XRCC4: variants seen among roughly 807,000 people sequenced by gnomAD.
XRCC4 encodes DNA repair protein XRCC4.
In XRCC4, 28 loss-of-function variants were observed where a neutral mutation model predicts 39.1. The observed-to-expected ratio is 0.72, with a 90% CI of 0.53 to 0.98. The LOEUF (loss-of-function observed/expected upper bound fraction) is 0.98. Ranked by LOEUF, XRCC4 falls within the 50% of genes least tolerant of loss-of-function variation. The pLI is 0.00. For missense variants in XRCC4, 350 were observed against 376.4 expected (o/e 0.93, Z 0.58); for synonymous variants, 123 against 126.4 (o/e 0.97, Z 0.18).
At chr5:83,321,016 G>T (rs1233749268) in intron 7 of XRCC4, among the ~76,000 whole-genome samples, 3 of 151,816 alleles carry the variant, frequency 2.0e-5, no homozygotes, top group Non-Finnish European at 4.4e-5. Context: ...TCACCACATT[G>T]GCCAGGCTGG....
intron 3 of XRCC4, among the ~76,000 whole-genome samples, chr5:83,158,930 A>G (rs1749081575): frequency 6.6e-6 from 1 of 152,140 alleles, no homozygotes; most frequent in South Asian, 2.1e-4. Flanking sequence ...TTACTTGTTC[A>G]AGTAGTGTTT....
At chr5:83,162,317 C>T (rs985031768) in intron 3 of XRCC4, among the ~76,000 whole-genome samples, 7 of 152,110 alleles carry the variant, frequency 4.6e-5, no homozygotes, top group South Asian at 4.1e-4. Flanking sequence ...GTTGGTTACC[C>T]TGCTTGCTGT....
chr5:83,223,811 C>A (rs527460399), intron 6 of XRCC4, among the ~76,000 whole-genome samples: 14 of 148,672 alleles, frequency 9.4e-5, no homozygotes, highest in African/African-American at 3.5e-4. Context: ...AGTTGTATCT[C>A]CTAATGCTAT....
intron 1 of XRCC4, among the ~76,000 whole-genome samples, chr5:83,082,986 T>G (rs1474549878): frequency 6.9e-6 from 1 of 144,186 alleles, no homozygotes; most frequent in East Asian, 2.1e-4. Flanking sequence ...GACTGCTGCT[T>G]CTTTCTAGAA....
chr5:83,130,016 T>C (rs1435357787), intron 3 of XRCC4, among the ~76,000 whole-genome samples: 2 of 151,964 alleles, frequency 1.3e-5, no homozygotes, highest in Non-Finnish European at 2.9e-5. Flanking sequence ...TGAATAGGGG[T>C]GGTAAGAGAG....
At chr5:83,273,109 T>G (rs1754199391) in intron 7 of XRCC4, among the ~76,000 whole-genome samples, 1 of 152,226 alleles carries the variant, frequency 6.6e-6, no homozygotes, top group African/African-American at 2.4e-5. Context: ...ACTTTAATGA[T>G]CACCATTCTT....
chr5:83,163,961 T>C (rs893835933), intron 3 of XRCC4, among the ~76,000 whole-genome samples: 2 of 152,200 alleles, frequency 1.3e-5, no homozygotes, highest in Non-Finnish European at 2.9e-5. Context: ...ATGTGGAGAA[T>C]TGCAAAAGTT....
intron 6 of XRCC4, among the ~76,000 whole-genome samples, chr5:83,213,085 C>A (rs1025970067): frequency 1.3e-5 from 2 of 151,764 alleles, no homozygotes; most frequent in Non-Finnish European, 2.9e-5. Flanking sequence ...CAGAAGGCAG[C>A]GGTATAGCAT....
chr5:83,233,025 A>C (rs909144888), intron 6 of XRCC4, among the ~76,000 whole-genome samples: 1 of 152,182 alleles, frequency 6.6e-6, no homozygotes, highest in African/African-American at 2.4e-5. Flanking sequence ...TTTACCTTCA[A>C]TTAATAACTA....
At chr5:83,141,139 A>T (rs1748152272) in intron 3 of XRCC4, among the ~76,000 whole-genome samples, 1 of 152,242 alleles carries the variant, frequency 6.6e-6, no homozygotes, top group Non-Finnish European at 1.5e-5. Flanking sequence ...CTCATAAGGA[A>T]CTTCTCCTTT....
At chr5:83,322,086 T>G (rs2112135050) in intron 7 of XRCC4, among the ~76,000 whole-genome samples, 1 of 151,930 alleles carries the variant, frequency 6.6e-6, no homozygotes, top group South Asian at 2.1e-4. Context: ...CTGTTTCTTA[T>G]TTTATGTTCT....
At chr5:83,325,804 A>G (rs1268290991) in intron 7 of XRCC4, among the ~76,000 whole-genome samples, 1 of 151,904 alleles carries the variant, frequency 6.6e-6, no homozygotes, top group African/African-American at 2.4e-5. Flanking sequence ...GAATTATTCT[A>G]TTTCTTTAGA....
chr5:83,309,153 C>G (rs1484016496), intron 7 of XRCC4, among the ~76,000 whole-genome samples: 10 of 149,358 alleles, frequency 6.7e-5, no homozygotes, highest in Admixed American at 6.0e-4. Context: ...GTGGTGGGTG[C>G]CTCTAGCCCC....
chr5:83,309,296 A>AAAAAAAAAAAATATATATATAT (rs1561467702), intron 7 of XRCC4, among the ~76,000 whole-genome samples: 1 of 72,232 alleles, frequency 1.4e-5, no homozygotes, highest in Non-Finnish European at 2.1e-5. Flanking sequence ...AAAAAAAAAA[A>AAAAAAAAAAAATATATATATAT]ATATATATAT....
intron 3 of XRCC4, among the ~76,000 whole-genome samples, chr5:83,176,818 C>T (rs1021241870): frequency 5.3e-5 from 8 of 151,916 alleles, no homozygotes; most frequent in African/African-American, 1.7e-4. Context: ...GTTGGGGTTT[C>T]GCCATGTTGG....
At chr5:83,258,451 A>T in intron 6 of XRCC4, 79 bp from the exon 7 acceptor site, 3 of 1,509,634 alleles carry the variant, frequency 2.0e-6, no homozygotes, top group South Asian at 2.4e-5. Context: ...CCTTATGTCA[A>T]TGCTAAAACA....
intron 1 of XRCC4, among the ~76,000 whole-genome samples, chr5:83,102,264 G>A (rs1745977889): frequency 6.6e-6 from 1 of 152,058 alleles, no homozygotes; most frequent in Admixed American, 6.6e-5. Flanking sequence ...TCAAACTAGT[G>A]AGGGTATCAG....
intron 3 of XRCC4, among the ~76,000 whole-genome samples, chr5:83,167,010 T>C (rs1048550259): frequency 6.6e-6 from 1 of 151,802 alleles, no homozygotes. Context: ...GCCTCCTTAA[T>C]AGCTGGGATT....
intron 3 of XRCC4, among the ~76,000 whole-genome samples, chr5:83,165,891 T>C (rs982678938): frequency 5.4e-5 from 8 of 148,206 alleles, no homozygotes; most frequent in East Asian, 1.9e-4. Flanking sequence ...TTCTTTCTTT[T>C]TTTTTTTTTT....
Sources: allele counts gnomAD v4.1 joint callset (sites outside exome capture counted in the v4.1 genomes callset), GRCh38; gene constraint gnomAD v4.1.1; transcripts MANE v1.5; gene names NCBI Gene and HGNC (gene_info 2026-07-23, HGNC 2026-07-21).